IGSF21: variants seen among roughly 807,000 people sequenced by gnomAD.
The protein encoded by IGSF21 is immunoglobulin superfamily member 21.
Under a neutral mutation model 46.8 loss-of-function variants are expected in IGSF21, and 28 were observed. The observed-to-expected ratio is 0.60, with a 90% CI of 0.44 to 0.82. The LOEUF (loss-of-function observed/expected upper bound fraction) is 0.82, where lower values mean the gene tolerates loss of function less well. Ranked by LOEUF, IGSF21 falls within the 40% of genes least tolerant of loss-of-function variation. The probability of loss-of-function intolerance (pLI) is 0.00; values close to 1 mark genes in which losing one functional copy is unlikely to be tolerated. For synonymous variants in IGSF21, 284 were observed against 273.6 expected (o/e 1.04, Z -0.38); for missense variants, 624 against 665.5 (o/e 0.94, Z 0.69).
intron 1 of IGSF21, among the ~76,000 whole-genome samples, chr1:18,185,732 G>T (rs111936733): frequency 7.2e-5 from 11 of 152,116 alleles, no homozygotes; most frequent in Non-Finnish European, 1.2e-4. Flanking sequence ...GGAAAAACAG[G>T]GATGATAATA....
chr1:18,226,539 T>A (rs2356003), intron 1 of IGSF21, among the ~76,000 whole-genome samples: 147,112 of 152,292 alleles, frequency 0.97, 71,253 homozygotes, highest in East Asian at 1. Flanking sequence ...GTTACAGGCC[T>A]CCCTGGAGTG....
In IGSF21 at chr1:18,126,181, AG is replaced by A. The variant is rs1165429123; in HGVS notation, c.70+17988del. On this transcript the variant is annotated intron_variant, in intron 1 of 9. Transcript: ENST00000251296. ...AGAATGTGGCTCAAGATGATGGTTG[AG>A]GGGGTTCTCGTGCCCCAATCAAGCT... is the stretch of plus-strand genomic sequence containing the variant. Among the ~76,000 whole-genome samples the A allele has an allele frequency of 2.0e-5, 3 of 149,872 alleles. No individual in the cohort carries two copies. In the East Asian group the frequency reaches 5.8e-4, roughly 29 times the overall value.
intron 1 of IGSF21, among the ~76,000 whole-genome samples, chr1:18,108,693 T>A (rs138580728): frequency 0.016 from 2,410 of 151,904 alleles, 34 homozygotes; most frequent in Non-Finnish European, 0.023. Context: ...CTTGTGTCAC[T>A]GTGGGTGTGA....
intron 1 of IGSF21, among the ~76,000 whole-genome samples, chr1:18,214,844 G>C (rs1425145333): frequency 6.6e-6 from 1 of 152,180 alleles, no homozygotes; most frequent in Non-Finnish European, 1.5e-5. Flanking sequence ...CCGGGTTCAA[G>C]CAATTCTCCT....
chr1:18,190,887 G>T (rs1029089740), intron 1 of IGSF21, among the ~76,000 whole-genome samples: 1 of 152,204 alleles, frequency 6.6e-6, no homozygotes, highest in Non-Finnish European at 1.5e-5. Flanking sequence ...GTTACCCTGG[G>T]AAGGCAGCAG....
chr1:18,283,479 G>GGA (rs1373600965), intron 2 of IGSF21, among the ~76,000 whole-genome samples: 2 of 152,210 alleles, frequency 1.3e-5, no homozygotes, highest in African/African-American at 2.4e-5. Flanking sequence ...CCCAGGCCTA[G>GGA]GAACTGCAAG....
chr1:18,128,612 T>A (rs1472441868), intron 1 of IGSF21, among the ~76,000 whole-genome samples: 1 of 152,044 alleles, frequency 6.6e-6, no homozygotes, highest in Non-Finnish European at 1.5e-5. Flanking sequence ...AGGGAAGCAA[T>A]TCTAGACCTG....
At chr1:18,339,824 G>A (rs2085812790) in intron 4 of IGSF21, among the ~76,000 whole-genome samples, 1 of 152,168 alleles carries the variant, frequency 6.6e-6, no homozygotes, top group Admixed American at 6.5e-5. Flanking sequence ...GAGTCTGGAA[G>A]GAACACAGAA....
At chr1:18,185,376 T>C (rs1267169361) in intron 1 of IGSF21, among the ~76,000 whole-genome samples, 1 of 152,194 alleles carries the variant, frequency 6.6e-6, no homozygotes, top group Non-Finnish European at 1.5e-5. Context: ...GATCTTCAAG[T>C]GGTTTCCAAG....
At position 18,335,151 on chromosome 1, in the gene IGSF21, T is replaced by C. The variant is rs936680251; in HGVS notation, c.424+141T>C. 2.9e-6 allele frequency: 2 copies of C among 697,402 alleles called. No homozygotes were observed. Among genetic ancestry groups the C allele is most frequent in the Non-Finnish European group, 5.0e-6 (2 of 402,942 alleles). 43.2% of individuals were successfully genotyped at this position (697,402 alleles called of 1,614,324 possible). On this transcript the variant is annotated intron_variant, in intron 4 of 9. Coordinates refer to ENST00000251296, the MANE Select transcript of IGSF21 (RefSeq NM_032880.5). The surrounding 1 kb of genome is among the most constrained non-coding windows in gnomAD (Gnocchi z 4.8). ...TGCTGGTGTCTTCCCTTTCCTGCTC[T>C]TGTTGTGGAGGGGCAACCAGACCAA...
chr1:18,197,158 C>T (rs943595627), intron 1 of IGSF21, among the ~76,000 whole-genome samples: 4 of 152,208 alleles, frequency 2.6e-5, no homozygotes, highest in East Asian at 1.9e-4. Flanking sequence ...TGTCTCGATG[C>T]GAGGAAGGAG....
intron 4 of IGSF21, among the ~76,000 whole-genome samples, chr1:18,348,603 G>T (rs2085919008): frequency 6.6e-6 from 1 of 152,192 alleles, no homozygotes; most frequent in African/African-American, 2.4e-5. Context: ...CTCGGGCCCA[G>T]TGATTTAAGG....
intron 4 of IGSF21, among the ~76,000 whole-genome samples, chr1:18,356,307 T>G (rs1323977194): frequency 2.0e-5 from 3 of 152,172 alleles, no homozygotes; most frequent in Non-Finnish European, 4.4e-5. Flanking sequence ...CAGAGAGCAT[T>G]GCACTGCCAC....
At chr1:18,224,901 C>G (rs2356002) in intron 1 of IGSF21, among the ~76,000 whole-genome samples, 1 of 151,686 alleles carries the variant, frequency 6.6e-6, no homozygotes, top group Non-Finnish European at 1.5e-5. Context: ...CCCATCTCTA[C>G]TAAAAATACA....
Position 18,176,793 on chromosome 1 carries a change from G to A in IGSF21, c.71-51105G>A, listed in dbSNP as rs77944147. On this transcript the variant is annotated intron_variant, in intron 1 of 9. Transcript: ENST00000251296. ...TTACAAGTCATTGGTAACCACAAAT[G>A]TAAATAAAACGTTGTCAGCTCCCTT... Among the ~76,000 whole-genome samples the A allele has an allele frequency of 6.9e-3, 1,052 of 152,294 alleles. 9 individuals are homozygous for A. Among genetic ancestry groups the A allele is most frequent in the African/African-American group, 0.024 (1,008 of 41,560 alleles).
intron 2 of IGSF21, among the ~76,000 whole-genome samples, chr1:18,272,309 T>A (rs1362883344): frequency 3.2e-5 from 4 of 124,328 alleles, no homozygotes; most frequent in South Asian, 2.5e-4. Context: ...CAATTCAAGA[T>A]GAGATTGGGG....
At chr1:18,301,778 T>C (rs1262364215) in intron 3 of IGSF21, among the ~76,000 whole-genome samples, 1 of 152,078 alleles carries the variant, frequency 6.6e-6, no homozygotes, top group Non-Finnish European at 1.5e-5. Flanking sequence ...TCCCTCCAAG[T>C]AGAAAGTTGC....
intron 3 of IGSF21, among the ~76,000 whole-genome samples, chr1:18,296,829 C>T (rs911449544): frequency 2.0e-5 from 3 of 152,292 alleles, no homozygotes; most frequent in African/African-American, 7.2e-5. Flanking sequence ...TCCTGAAGCA[C>T]CCTGAGGCCC....
intron 2 of IGSF21, among the ~76,000 whole-genome samples, chr1:18,255,673 C>T (rs2084885640): frequency 6.6e-6 from 1 of 152,156 alleles, no homozygotes; most frequent in African/African-American, 2.4e-5. Context: ...CACCTGCTCA[C>T]ACACATTGAG....
Sources: allele counts gnomAD v4.1 joint callset (sites outside exome capture counted in the v4.1 genomes callset), GRCh38; gene constraint gnomAD v4.1.1; non-coding constraint Gnocchi (gnomAD v3.1); transcripts MANE v1.5; gene names NCBI Gene and HGNC (gene_info 2026-07-23, HGNC 2026-07-21).